SYNPR: variants seen among roughly 807,000 people sequenced by gnomAD.
SYNPR encodes the protein synaptoporin.
In SYNPR, 23 loss-of-function variants were observed where a neutral mutation model predicts 32.9. The ratio of observed to expected loss-of-function variants is 0.70; its 90% CI spans 0.50 to 0.99. SYNPR has a LOEUF of 0.99. SYNPR is among the 50% of genes least tolerant of loss of function. The pLI is 0.00. For missense variants in SYNPR, 318 were observed against 349.3 expected (o/e 0.91, Z 0.71); for synonymous variants, 146 against 135.9 (o/e 1.07, Z -0.52).
In SYNPR at chr3:63,443,601, T is replaced by C. The variant is rs1700220553; in HGVS notation, c.85-37231T>C. The stretch of plus-strand genomic sequence containing the variant: ...AGTTTTTAAGTCTCTAGTAATAATC[T>C]CTATTTTTCTTGACTTTGCTTTCTT... On this transcript the variant is annotated intron_variant, in intron 2 of 5. Coordinates refer to ENST00000478300, the MANE Select transcript of SYNPR (RefSeq NM_001130003.2). 4.8e-6 allele frequency: 5 copies of C among 1,032,234 alleles called. No individual in the cohort carries two copies. The East Asian group carries it at 1.3e-4, about 27-fold the overall frequency. 63.9% of individuals were successfully genotyped at this position (1,032,234 alleles called of 1,614,324 possible). A position where few individuals can be genotyped will look rare whatever the true frequency, so the allele number is the denominator to read the frequency against.
At chr3:63,456,455 G>A (rs1700484003) in intron 2 of SYNPR, among the ~76,000 whole-genome samples, 1 of 151,986 alleles carries the variant, frequency 6.6e-6, no homozygotes, top group Admixed American at 6.6e-5. Context: ...GGATGGGAGG[G>A]GTAAGGATTA....
At chr3:63,495,772 G>C (rs1171964660) in intron 3 of SYNPR, among the ~76,000 whole-genome samples, 1 of 152,060 alleles carries the variant, frequency 6.6e-6, no homozygotes, top group Non-Finnish European at 1.5e-5. Context: ...AAGATCAGTG[G>C]TGGCCAAAGG....
chr3:63,311,394 G>C (rs1432537459), intron 2 of SYNPR, among the ~76,000 whole-genome samples: 1 of 151,914 alleles, frequency 6.6e-6, no homozygotes, highest in Non-Finnish European at 1.5e-5. Flanking sequence ...TGTAGAGCAG[G>C]GGTCCCCAAC....
chr3:63,502,271 G>T (rs1388369477), intron 3 of SYNPR, among the ~76,000 whole-genome samples: 7 of 151,976 alleles, frequency 4.6e-5, no homozygotes, highest in Admixed American at 3.9e-4. Context: ...CAGCAAAATG[G>T]AGAGGAAAGT....
intron 2 of SYNPR, among the ~76,000 whole-genome samples, chr3:63,386,215 A>G (rs1227803670): frequency 1.3e-5 from 2 of 152,190 alleles, no homozygotes; most frequent in Admixed American, 6.5e-5. Flanking sequence ...AAGGAAATGG[A>G]GGCACAGAGA....
At chr3:63,357,664 C>T (rs1236111124) in intron 2 of SYNPR, among the ~76,000 whole-genome samples, 3 of 152,128 alleles carry the variant, frequency 2.0e-5, no homozygotes, top group Admixed American at 1.3e-4. Context: ...TTCTGAGACT[C>T]AGGAGATTTA....
chr3:63,255,259 T>C lies in SYNPR; in HGVS notation n.154+2673T>C, dbSNP rs542506524. On this transcript the variant is annotated intron_variant and non_coding_transcript_variant, in intron 2 of 4. Coordinates refer to the SYNPR transcript ENST00000478456. ...AATAATATTTAAGTGAGTTTCTCAT[T>C]GTGTGTTGCTGTCAAAAAACTTGAA... Among the ~76,000 whole-genome samples, 7 of 152,258 alleles carry C rather than the reference T, an allele frequency of 4.6e-5. No homozygotes were observed. In the East Asian group the frequency reaches 1.4e-3, roughly 30 times the overall value.
intron 1 of SYNPR, among the ~76,000 whole-genome samples, chr3:63,238,300 C>G (rs2086214030): frequency 6.6e-6 from 1 of 151,898 alleles, no homozygotes; most frequent in Non-Finnish European, 1.5e-5. Context: ...AGAAATGAAC[C>G]TATTTCATTT....
chr3:63,358,565 C>T (rs2087614673), intron 2 of SYNPR, among the ~76,000 whole-genome samples: 1 of 151,994 alleles, frequency 6.6e-6, no homozygotes, highest in African/African-American at 2.4e-5. Context: ...TCACAGCTTT[C>T]AGGGATTAGA....
intron 2 of SYNPR, among the ~76,000 whole-genome samples, chr3:63,397,429 T>C (rs577849439): frequency 2.6e-5 from 4 of 152,334 alleles, no homozygotes; most frequent in Non-Finnish European, 5.9e-5. Flanking sequence ...GTCTAGAGTT[T>C]TACCTACTTT....
intron 2 of SYNPR, among the ~76,000 whole-genome samples, chr3:63,321,605 C>A (rs1276768440): frequency 6.6e-6 from 1 of 152,060 alleles, no homozygotes; most frequent in Non-Finnish European, 1.5e-5. Context: ...TTTATTCTCT[C>A]TATAGTCTGA....
At chr3:63,255,845 C>A (rs140036403) in intron 2 of SYNPR, among the ~76,000 whole-genome samples, 2,380 of 152,288 alleles carry the variant, frequency 0.016, 63 homozygotes, top group African/African-American at 0.054. Context: ...ACAGATGGCA[C>A]CTGGAAAACC....
At chr3:63,208,048 CA>C in the SYNPR span, among the ~76,000 whole-genome samples, 1 of 96,424 alleles carries the variant, frequency 1.0e-5, no homozygotes, top group South Asian at 3.3e-4. Context: ...CACACACAAA[CA>C]CACACACACA....
At chr3:63,352,095 A>G (rs1034533152) in intron 2 of SYNPR, among the ~76,000 whole-genome samples, 3 of 152,122 alleles carry the variant, frequency 2.0e-5, no homozygotes, top group African/African-American at 7.2e-5. Context: ...AGTAAGTCCA[A>G]AGGTCCTGGG....
upstream of SYNPR, among the ~76,000 whole-genome samples, chr3:63,224,303 C>A (rs1040044703): frequency 1.3e-5 from 2 of 152,130 alleles, no homozygotes; most frequent in Non-Finnish European, 2.9e-5. Context: ...TTATGAGAAT[C>A]TAACTAATGC....
chr3:63,324,143 AC>A (rs2087139289), intron 2 of SYNPR, among the ~76,000 whole-genome samples: 2 of 152,166 alleles, frequency 1.3e-5, no homozygotes, highest in African/African-American at 4.8e-5. Context: ...GTGCAAAGGT[AC>A]TAGGCAAATT....
chr3:63,418,998 C>T (rs544588537), intron 2 of SYNPR, among the ~76,000 whole-genome samples: 1 of 152,292 alleles, frequency 6.6e-6, no homozygotes, highest in South Asian at 2.1e-4. Flanking sequence ...TCTTAGAGGG[C>T]AACATTTATG....
intron 3 of SYNPR, among the ~76,000 whole-genome samples, chr3:63,530,865 G>A (rs1178837839): frequency 6.6e-6 from 1 of 152,192 alleles, no homozygotes; most frequent in African/African-American, 2.4e-5. Flanking sequence ...CAGAGTGCCA[G>A]TATAAACAAA....
intron 3 of SYNPR, among the ~76,000 whole-genome samples, chr3:63,550,443 A>G (rs1286447684): frequency 1.3e-5 from 2 of 151,990 alleles, no homozygotes; most frequent in East Asian, 3.9e-4. Flanking sequence ...CTGGTAGGCT[A>G]AATATCCAGC....
Sources: gnomAD v4.1 joint callset for allele counts (sites outside exome capture counted in the v4.1 genomes callset) on GRCh38, gnomAD v4.1.1 for gene constraint, MANE v1.5 for transcripts, NCBI Gene and HGNC (gene_info 2026-07-23, HGNC 2026-07-21) for gene names.